FAM124A: variants seen among roughly 807,000 people sequenced by gnomAD.
FAM124A encodes family with sequence similarity 124 member A.
Under a neutral mutation model 24.5 loss-of-function variants are expected in FAM124A, and 23 were observed. The observed-to-expected ratio is 0.94, with a 90% CI of 0.68 to 1.33. FAM124A has a LOEUF of 1.33. Among genes scored for constraint, FAM124A ranks in the 40% most tolerant of loss-of-function variants. The probability of loss-of-function intolerance (pLI) is 0.00; values close to 1 mark genes in which losing one functional copy is unlikely to be tolerated. For missense variants in FAM124A, 623 were observed against 722.8 expected, an observed-to-expected ratio of 0.86 and a Z score of 1.58; for synonymous variants, 287 against 314.7, an observed-to-expected ratio of 0.91 and a Z score of 0.93.
chr13:51,268,811 C>A (rs1019386036), intron 3 of FAM124A, among the ~76,000 whole-genome samples: 1 of 152,220 alleles, frequency 6.6e-6, no homozygotes, highest in African/African-American at 2.4e-5. Context: ...CCTTTAGTAT[C>A]ACGCTCAAGT....
rs533146830 is a variant in FAM124A, at chr13:51,230,661, C to T, written c.69-687C>T. On this transcript the variant is annotated intron_variant, in intron 1 of 3. Transcript: ENST00000322475. ...AGATTAAGCAGATCCTTGGCCAGAGCCCCACTCTTACGGAGGCTGAATGCC... is the reference window on the plus strand; with the variant it reads ...AGATTAAGCAGATCCTTGGCCAGAGTCCCACTCTTACGGAGGCTGAATGCC... Among the ~76,000 whole-genome samples, 8 of 152,328 alleles carry T rather than the reference C, an allele frequency of 5.3e-5. No individual in the cohort carries two copies. The South Asian group carries it at 1.4e-3, about 28-fold the overall frequency.
At chr13:51,252,776 C>T (rs1047837642) in intron 3 of FAM124A, 3 of 152,988 alleles carry the variant, frequency 2.0e-5, no homozygotes, top group Non-Finnish European at 4.4e-5. Context: ...AAGGATGTCC[C>T]GTTAAACATT....
At chr13:51,278,960 G>T (rs537910524) in intron 3 of FAM124A, among the ~76,000 whole-genome samples, 2 of 152,212 alleles carry the variant, frequency 1.3e-5, no homozygotes, top group South Asian at 4.1e-4. Context: ...AACCACAAAG[G>T]CTTCCTTTTT....
intron 1 of FAM124A, 106 bp downstream of exon 1, chr13:51,222,675 C>T: frequency 9.2e-7 from 1 of 1,087,848 alleles, no homozygotes; most frequent in Non-Finnish European, 1.2e-6. Context: ...GACCGGGGCG[C>T]GGGGCTTCTC....
intron 2 of FAM124A, among the ~76,000 whole-genome samples, chr13:51,243,526 T>G (rs1385624472): frequency 2.0e-5 from 3 of 151,460 alleles, no homozygotes; most frequent in African/African-American, 4.8e-5. Flanking sequence ...TGGTTGTTGG[T>G]TTTTTTTGTT....
At chr13:51,233,229 C>T (rs777437597) in intron 2 of FAM124A, among the ~76,000 whole-genome samples, 1 of 152,050 alleles carries the variant, frequency 6.6e-6, no homozygotes, top group Non-Finnish European at 1.5e-5. Context: ...CTGACTACAC[C>T]GTTCTCAGCT....
chr13:51,246,401 G>C (rs1302518231), intron 2 of FAM124A, among the ~76,000 whole-genome samples: 20 of 122,472 alleles, frequency 1.6e-4, no homozygotes, highest in Non-Finnish European at 2.6e-4. Context: ...GTTTCTCGTG[G>C]GGTGGGGGGG....
At chr13:51,229,444 A>C (rs1954350843) in intron 1 of FAM124A, among the ~76,000 whole-genome samples, 1 of 152,234 alleles carries the variant, frequency 6.6e-6, no homozygotes, top group Non-Finnish European at 1.5e-5. Flanking sequence ...CCAAGACACT[A>C]AAATACTGTT....
At chr13:51,238,722 G>A (rs1160241768) in intron 2 of FAM124A, among the ~76,000 whole-genome samples, 3 of 152,196 alleles carry the variant, frequency 2.0e-5, no homozygotes, top group Non-Finnish European at 4.4e-5. Flanking sequence ...AGCTGAACGT[G>A]TGAGTCCATT....
In FAM124A at chr13:51,228,109, G is replaced by GTTTTACAGAAACATCAAGATCAA. The variant is rs534888213; in HGVS notation, c.69-3230_69-3208dup. ...AAGTTCATGATGCTCAATAGCTGAT[G>GTTTTACAGAAACATCAAGATCAA]TTTTACAGAAACATCAAGATCAATT... On this transcript the variant is annotated intron_variant, in intron 1 of 3. Coordinates refer to ENST00000322475, the MANE Select transcript of FAM124A (RefSeq NM_001242312.2). Among the ~76,000 whole-genome samples the GTTTTACAGAAACATCAAGATCAA allele has an allele frequency of 2.3e-3, 348 of 152,220 alleles. 1 individual carries two copies. The highest frequency in any genetic ancestry group is 0.02 in the Middle Eastern group (6 of 294).
intron 2 of FAM124A, among the ~76,000 whole-genome samples, chr13:51,237,168 T>C (rs906914141): frequency 3.9e-5 from 6 of 152,216 alleles, no homozygotes; most frequent in Non-Finnish European, 7.3e-5. Context: ...CTTGAGTGTC[T>C]CAGTTCAGGT....
chr13:51,258,488 G>C lies in FAM124A; in HGVS notation c.834+6287G>C, dbSNP rs371905931. On this transcript the variant is annotated intron_variant, in intron 3 of 3. Transcript: ENST00000322475. The surrounding 1 kb of genome is among the most constrained non-coding windows in gnomAD (Gnocchi z 4.2). ...CTCGTGGGTCTCCGAACCCTCTTCA[G>C]ACTCTAATGTCTGGGTTATTGGGCA... 1.1e-4 allele frequency among the ~76,000 whole-genome samples: 17 copies of C among 152,288 alleles called. No homozygotes were observed. Among genetic ancestry groups the C allele is most frequent in the African/African-American group, 3.8e-4 (16 of 41,562 alleles).
chr13:51,246,375 A>T (rs1954558846), intron 2 of FAM124A, among the ~76,000 whole-genome samples: 1 of 128,776 alleles, frequency 7.8e-6, no homozygotes, highest in African/African-American at 2.8e-5. Flanking sequence ...TTTCCTATCC[A>T]GCTCCACAGA....
intron 3 of FAM124A, among the ~76,000 whole-genome samples, chr13:51,273,392 C>T (rs1954856809): frequency 6.6e-6 from 1 of 152,218 alleles, no homozygotes; most frequent in Non-Finnish European, 1.5e-5. Context: ...TGAGATTAAA[C>T]TGAATCTCCA....
At chr13:51,266,319 CT>C (rs547654081) in intron 3 of FAM124A, among the ~76,000 whole-genome samples, 354 of 151,980 alleles carry the variant, frequency 2.3e-3, no homozygotes, top group Middle Eastern at 6.8e-3. Flanking sequence ...TACTCTTTTC[CT>C]TTTTTTTGTT....
intron 1 of FAM124A, among the ~76,000 whole-genome samples, chr13:51,230,602 TA>T (rs1200707693): frequency 1.3e-5 from 2 of 152,160 alleles, no homozygotes; most frequent in African/African-American, 2.4e-5. Flanking sequence ...AGGAAAGTCT[TA>T]ACAGCTACAG....
intron 1 of FAM124A, among the ~76,000 whole-genome samples, chr13:51,226,992 G>A (rs188922409): frequency 5.9e-5 from 9 of 152,324 alleles, no homozygotes; most frequent in Non-Finnish European, 1.3e-4. Context: ...CCCTAGAACA[G>A]TGGCTGTTCA....
intron 2 of FAM124A, 133 bp downstream of exon 2, chr13:51,231,512 C>T: frequency 1.1e-6 from 1 of 924,524 alleles, no homozygotes; most frequent in Non-Finnish European, 1.6e-6. Context: ...GAATGTGGTA[C>T]AGGATGCTGT....
Position 51,269,589 on chromosome 13 carries a change from C to G in FAM124A, c.835-10861C>G, listed in dbSNP as rs574489352. Reference sequence around the variant, plus strand: ...TTTGTTTATGAATAAGACCACTGAACTACTTAAAAAGAAAATCAATACATT... The same window carrying G: ...TTTGTTTATGAATAAGACCACTGAAGTACTTAAAAAGAAAATCAATACATT... On this transcript the variant is annotated intron_variant, in intron 3 of 3. Coordinates refer to ENST00000322475, the MANE Select transcript of FAM124A (RefSeq NM_001242312.2). Among the ~76,000 whole-genome samples the G allele has an allele frequency of 5.9e-5, 9 of 152,184 alleles. No homozygotes were observed. In the South Asian group the frequency reaches 1.7e-3, roughly 28 times the overall value.
Sources: allele counts gnomAD v4.1 joint callset (sites outside exome capture counted in the v4.1 genomes callset), GRCh38; gene constraint gnomAD v4.1.1; non-coding constraint Gnocchi (gnomAD v3.1); transcripts MANE v1.5; gene names NCBI Gene and HGNC (gene_info 2026-07-23, HGNC 2026-07-21).